ABI2: variants seen among roughly 807,000 people sequenced by gnomAD.
ABI2 encodes the protein abl interactor 2.
Under a neutral mutation model 59.2 loss-of-function variants are expected in ABI2, and 25 were observed. That is an observed-to-expected ratio of 0.42 (90% CI 0.31 to 0.59). The LOEUF (loss-of-function observed/expected upper bound fraction) is 0.59. Among genes scored for constraint, ABI2 ranks in the 20% least tolerant of loss-of-function variants. The pLI is 0.14. For missense variants in ABI2, 545 were observed against 681.8 expected (o/e 0.80, Z 2.23); for synonymous variants, 213 against 235.5 (o/e 0.90, Z 0.87).
intron 1 of ABI2, among the ~76,000 whole-genome samples, chr2:203,352,076 C>G (rs2089027536): frequency 6.6e-6 from 1 of 152,128 alleles, no homozygotes; most frequent in Non-Finnish European, 1.5e-5. Context: ...AGGCAGAAGA[C>G]ACACACATCA....
intron 4 of ABI2, among the ~76,000 whole-genome samples, chr2:203,384,089 A>T (rs2096301648): frequency 6.6e-6 from 1 of 152,170 alleles, no homozygotes; most frequent in Non-Finnish European, 1.5e-5. Flanking sequence ...ATTTGGATTA[A>T]CTGTTTTTCT....
At chr2:203,333,603 A>G (rs2075010769) in intron 1 of ABI2, among the ~76,000 whole-genome samples, 1 of 152,228 alleles carries the variant, frequency 6.6e-6, no homozygotes, top group Non-Finnish European at 1.5e-5. Flanking sequence ...ATCAAGGCTT[A>G]CCATTCCTCA....
intron 10 of ABI2, among the ~76,000 whole-genome samples, chr2:203,412,066 C>T (rs2097700268): frequency 6.6e-6 from 1 of 152,128 alleles, no homozygotes; most frequent in Non-Finnish European, 1.5e-5. Flanking sequence ...ACATGATTTG[C>T]ATGAATCTGA....
chr2:203,397,633 CTG>C (rs1227818496), intron 8 of ABI2, among the ~76,000 whole-genome samples: 7 of 152,164 alleles, frequency 4.6e-5, no homozygotes, highest in African/African-American at 1.4e-4. Context: ...CTGTATTAGT[CTG>C]TTCTCACATT....
At chr2:203,378,324 G>C (rs2095855545) in intron 2 of ABI2, among the ~76,000 whole-genome samples, 1 of 152,088 alleles carries the variant, frequency 6.6e-6, no homozygotes, top group African/African-American at 2.4e-5. Flanking sequence ...TGTTAGCCAG[G>C]ATGGTCTCGA....
intron 9 of ABI2, among the ~76,000 whole-genome samples, chr2:203,407,400 A>G (rs2097474757): frequency 6.6e-6 from 1 of 152,244 alleles, no homozygotes; most frequent in Admixed American, 6.5e-5. Flanking sequence ...CTTTAGAAGT[A>G]GTTTTTAGAG....
chr2:203,393,110 A>G (rs561846270), intron 5 of ABI2, among the ~76,000 whole-genome samples: 50 of 152,322 alleles, frequency 3.3e-4, no homozygotes, highest in Middle Eastern at 3.4e-3. Context: ...ATATTGGCTC[A>G]CTGCAACCTC....
rs1057307402 is a variant in ABI2, at chr2:203,328,479, G to C, written c.-36G>C. 9 of 1,534,204 alleles carry C rather than the reference G, an allele frequency of 5.9e-6. No individual in the cohort carries two copies. Among genetic ancestry groups the C allele is most frequent in the Non-Finnish European group, 8.0e-6 (9 of 1,126,484 alleles). ...GCGCTGCGGCCGCCGCTCCCTCTGCGACCTGTATGAGGAGGAGGAGGAGGA... is the reference window on the plus strand; with the variant it reads ...GCGCTGCGGCCGCCGCTCCCTCTGCCACCTGTATGAGGAGGAGGAGGAGGA... On this transcript the variant is annotated 5_prime_UTR_variant, in exon 1 of 12. Transcript: ENST00000261018.
At chr2:203,415,090 A>G (rs2097837995) in intron 10 of ABI2, among the ~76,000 whole-genome samples, 1 of 152,264 alleles carries the variant, frequency 6.6e-6, no homozygotes, top group Admixed American at 6.5e-5. Context: ...TTTATCTTAC[A>G]AATGGAAATA....
chr2:203,395,432 A>AATATATATAT (rs375911001), intron 6 of ABI2, among the ~76,000 whole-genome samples: 1,566 of 113,212 alleles, frequency 0.014, 35 homozygotes, highest in South Asian at 0.048. Context: ...TTAATAAGTA[A>AATATATATAT]ATATATATAT....
At chr2:203,419,910 C>T (rs2098123203) in intron 11 of ABI2, among the ~76,000 whole-genome samples, 1 of 152,142 alleles carries the variant, frequency 6.6e-6, no homozygotes. Flanking sequence ...ATCACTTGAA[C>T]TCCAGAGGCG....
At chr2:203,361,374 C>T (rs1374324543) in intron 1 of ABI2, among the ~76,000 whole-genome samples, 3 of 152,138 alleles carry the variant, frequency 2.0e-5, no homozygotes, top group Non-Finnish European at 4.4e-5. Flanking sequence ...TAGTGTGTGC[C>T]TCTAGTCCCA....
chr2:203,347,652 T>C (rs1324759333), intron 1 of ABI2, among the ~76,000 whole-genome samples: 3 of 152,144 alleles, frequency 2.0e-5, no homozygotes, highest in Non-Finnish European at 2.9e-5. Context: ...GATATAAGGA[T>C]TGAGATGATA....
At chr2:203,375,699 G>A (rs760369485) in intron 2 of ABI2, among the ~76,000 whole-genome samples, 7 of 152,176 alleles carry the variant, frequency 4.6e-5, no homozygotes, top group Non-Finnish European at 8.8e-5. Flanking sequence ...CTGCATGATA[G>A]ATGTGAGGAG....
rs1024014059 is a variant in ABI2, at chr2:203,366,746, A to G, written c.118-131A>G. ...GTTTATGTGATACCAGTAGTTTTCA[A>G]TTCTGGTGGATTAGTTTTTTTACTT... On this transcript the variant is annotated intron_variant, in intron 1 of 11. Coordinates refer to ENST00000261018, the MANE Select transcript of ABI2 (RefSeq NM_001375670.1). 16 of 857,130 alleles carry G rather than the reference A, an allele frequency of 1.9e-5. No homozygotes were observed. In the East Asian group the frequency reaches 2.0e-4, roughly 11 times the overall value. 53.1% of individuals were successfully genotyped at this position (857,130 alleles called of 1,614,324 possible).
intron 9 of ABI2, among the ~76,000 whole-genome samples, chr2:203,407,888 A>T (rs981137623): frequency 1.3e-5 from 2 of 152,130 alleles, no homozygotes; most frequent in African/African-American, 4.8e-5. Context: ...TTTCAGCTCA[A>T]CTCCAAGAAA....
chr2:203,386,393 G>A (rs4234075), intron 4 of ABI2: 110,549 of 149,216 alleles, frequency 0.74, 42,044 homozygotes, highest in Middle Eastern at 0.87. Context: ...CTCCTGCCTC[G>A]GCCTCTCAAG....
intron 8 of ABI2, 107 bp from the exon 9 acceptor site, chr2:203,402,469 C>A: frequency 2.4e-6 from 2 of 823,582 alleles, no homozygotes; most frequent in Non-Finnish European, 3.4e-6. Flanking sequence ...ACCAGTTAAA[C>A]TAGCTGTTAT....
At chr2:203,379,815 G>A (rs1294238870) in intron 2 of ABI2, among the ~76,000 whole-genome samples, 1 of 152,202 alleles carries the variant, frequency 6.6e-6, no homozygotes, top group Non-Finnish European at 1.5e-5. Context: ...TGCCATTACA[G>A]TGTAAAGCCT....
Sources: allele counts gnomAD v4.1 joint callset (sites outside exome capture counted in the v4.1 genomes callset), GRCh38; gene constraint gnomAD v4.1.1; transcripts MANE v1.5; gene names NCBI Gene and HGNC (gene_info 2026-07-23, HGNC 2026-07-21).